The following ASAH1 variants were observed in gnomAD, a reference collection of about 807,000 sequenced individuals.
The protein encoded by ASAH1 is acid ceramidase.
A neutral mutation model predicts 59.5 loss-of-function variants in ASAH1; 70 were observed. That is an observed-to-expected ratio of 1.18 (90% CI 0.97 to 1.43). The LOEUF (loss-of-function observed/expected upper bound fraction) is 1.43, where lower values mean the gene tolerates loss of function less well. Among genes scored for constraint, ASAH1 ranks in the 40% most tolerant of loss-of-function variants. The probability of loss-of-function intolerance (pLI) is 0.00; values close to 1 mark genes in which losing one functional copy is unlikely to be tolerated. For synonymous variants in ASAH1, 213 were observed against 166.5 expected, an observed-to-expected ratio of 1.28 and a Z score of -2.15; for missense variants, 660 against 482.5, an observed-to-expected ratio of 1.37 and a Z score of -3.45.
At position 18,059,606 on chromosome 8, in the gene ASAH1, T is replaced by C. The variant is rs1799609030; in HGVS notation, c.883A>G (p.Thr295Ala). 1 of 1,614,130 alleles carries C rather than the reference T, an allele frequency of 6.2e-7. No homozygotes were observed. Among genetic ancestry groups the C allele is most frequent in the Admixed American group, 1.7e-5 (1 of 60,002 alleles). ...TCCAATGATTCCTTTCTGTCTCGTGTAATCACACAACCTTCCCCAGACTGG... is the reference window on the plus strand; with the variant it reads ...TCCAATGATTCCTTTCTGTCTCGTGCAATCACACAACCTTCCCCAGACTGG... ...GNQSGEGCVITRDRKESLDVY... is the reference protein window; with the variant it reads ...GNQSGEGCVIARDRKESLDVY... The change falls in exon 11 of 14, where the codon ACA becomes GCA. Residue 295 changes from threonine to alanine, a missense_variant. Coordinates refer to ENST00000637790, the MANE Select transcript of ASAH1 (RefSeq NM_177924.5).
chr8:18,064,552 G>GTTAATTTC, intron 5 of ASAH1, 21 bp from the exon 6 acceptor site: 1 of 1,353,440 alleles, frequency 7.4e-7, no homozygotes, highest in East Asian at 2.4e-5. Context: ...AGAAAATTTT[G>GTTAATTTC]TGTTAATATA....
intron 1 of ASAH1, 83 bp from the exon 2 acceptor site, chr8:18,075,670 G>A (rs2117078873): frequency 7.9e-7 from 1 of 1,269,066 alleles, no homozygotes; most frequent in African/African-American, 1.5e-5. Context: ...GTTAATCTGT[G>A]AAGACAACAT....
intron 2 of ASAH1, among the ~76,000 whole-genome samples, chr8:18,072,971 G>C (rs1445685178): frequency 2.0e-5 from 3 of 152,110 alleles, no homozygotes; most frequent in African/African-American, 4.8e-5. Context: ...GTCCTGGGTA[G>C]GTTCATGGAT....
At chr8:18,069,082 T>G (rs973369910) in intron 4 of ASAH1, among the ~76,000 whole-genome samples, 3 of 146,088 alleles carry the variant, frequency 2.1e-5, no homozygotes, top group Admixed American at 7.1e-5. Flanking sequence ...TCAAGGCAGC[T>G]GTGAGCTATG....
At chr8:18,077,163 C>T (rs1267512577) in intron 1 of ASAH1, among the ~76,000 whole-genome samples, 1 of 152,170 alleles carries the variant, frequency 6.6e-6, no homozygotes. Flanking sequence ...TGATAATTCA[C>T]AGAAATGATG....
intron 10 of ASAH1, chr8:18,060,838 C>T (rs764277619): frequency 6.1e-6 from 1 of 163,218 alleles, no homozygotes; most frequent in African/African-American, 2.4e-5. Context: ...GTCTCGACCT[C>T]CTTGGGCTCA....
chr8:18,084,696 T>G (rs200180131), upstream of ASAH1: 1 of 1,613,724 alleles, frequency 6.2e-7, no homozygotes, highest in Non-Finnish European at 8.5e-7. Flanking sequence ...ACAGCAAAGC[T>G]GCCAAATCCC....
In ASAH1 at chr8:18,079,283, A is replaced by C. The variant is rs889334932; in HGVS notation, c.79-3696T>G. Among the ~76,000 whole-genome samples the C allele has an allele frequency of 5.9e-5, 9 of 151,456 alleles. 1 individual carries two copies. Among genetic ancestry groups the C allele is most frequent in the African/African-American group, 9.7e-5 (4 of 41,218 alleles). ...GCAAGACTCCATCTCAGAAAAAAAA[A>C]AAAAACAAAAAACTCTCTGGAAAGT... On this transcript the variant is annotated intron_variant, in intron 1 of 13. Transcript: ENST00000637790.
intron 9 of ASAH1, 37 bp from the exon 10 acceptor site, chr8:18,061,495 G>C: frequency 1.3e-6 from 2 of 1,562,462 alleles, no homozygotes; most frequent in East Asian, 2.2e-5. Flanking sequence ...AACCGGAAGA[G>C]GTGACACTAT....
intron 6 of ASAH1, 29 bp from the exon 7 acceptor site, chr8:18,063,259 T>C: frequency 6.4e-7 from 1 of 1,560,558 alleles, no homozygotes; most frequent in Non-Finnish European, 8.8e-7. Flanking sequence ...AAGAGACGTG[T>C]AATAGCAGTT....
chr8:18,071,333 T>A lies in ASAH1; in HGVS notation c.183A>T (p.Arg61Ser), dbSNP rs559209309. 1.2e-6 allele frequency: 2 copies of A among 1,604,742 alleles called. No homozygotes were observed. The highest frequency in any genetic ancestry group is 2.2e-5 in the East Asian group (1 of 44,804). The part of the protein sequence containing the change: ...TINLDLPPYK[R>S]WHELMLDKAP... ...CCTTGTCAAGCATCAATTCATGCCATCTTTTGTAGGGTGGTAAGTCAAGAT... is the reference window on the plus strand; with the variant it reads ...CCTTGTCAAGCATCAATTCATGCCAACTTTTGTAGGGTGGTAAGTCAAGAT... The change falls in exon 3 of 14, where the codon AGA (arginine) becomes AGT (serine). Residue 61 changes from arginine (R) to serine (S), a missense_variant. Coordinates refer to ENST00000637790, the MANE Select transcript of ASAH1 (RefSeq NM_177924.5).
At chr8:18,061,045 GC>G (rs1406058418) in intron 10 of ASAH1, 1 of 259,454 alleles carries the variant, frequency 3.9e-6, no homozygotes, top group African/African-American at 2.3e-5. Context: ...AAGCCACTGT[GC>G]CTGGTCTGTA....
At chr8:18,071,549 G>A (rs1588993243) in intron 2 of ASAH1, 159 bp from the exon 3 acceptor site, 1 of 592,708 alleles carries the variant, frequency 1.7e-6, no homozygotes, top group East Asian at 3.2e-5. Context: ...TCTCTACCTA[G>A]TGCTTCTAGG....
intron 1 of ASAH1, among the ~76,000 whole-genome samples, chr8:18,081,322 C>A (rs936244595): frequency 3.3e-5 from 5 of 152,162 alleles, no homozygotes; most frequent in Non-Finnish European, 5.9e-5. Flanking sequence ...CATCCTTCAA[C>A]GCACCCTGTT....
intron 13 of ASAH1, 76 bp from the exon 14 acceptor site, chr8:18,057,699 C>A: frequency 2.0e-6 from 2 of 1,005,292 alleles, no homozygotes; most frequent in Non-Finnish European, 2.9e-6. Context: ...CATTTCTATA[C>A]TTGTAGAATT....
At chr8:18,071,211 CA>C (rs139226692) in intron 3 of ASAH1, 88 bp downstream of exon 3, 3,363 of 688,762 alleles carry the variant, frequency 4.9e-3, no homozygotes, top group Non-Finnish European at 5.4e-3. Context: ...TGTCTCAAAA[CA>C]AAAAAAAAAT....
intron 4 of ASAH1, among the ~76,000 whole-genome samples, chr8:18,069,140 CAA>C (rs34419879): frequency 0.4 from 35,766 of 89,108 alleles, 4,753 homozygotes; most frequent in Non-Finnish European, 0.46. Context: ...GATGAGGTCT[CAA>C]AAAAAAAAAA....
Position 18,063,335 on chromosome 8 carries a change from G to T in ASAH1, c.458-105C>A, listed in dbSNP as rs903643837. ...TAATTTATTTTTGAGACAGAGTCTC[G>T]TTCTGTTGGCCAGACTGGAGTGCAG... On this transcript the variant is annotated intron_variant, in intron 6 of 13. Transcript: ENST00000637790. The T allele has an allele frequency of 1.8e-5, 20 of 1,122,150 alleles. No homozygotes were observed. The Admixed American group carries it at 2.9e-4, about 16-fold the overall frequency. The allele number at this position is 1,122,150 out of a possible 1,614,324, so 69.5% of individuals were successfully genotyped here. A position where few individuals can be genotyped will look rare whatever the true frequency, so the allele number is the denominator to read the frequency against.
rs1453575951 is a variant in ASAH1 at position 18,067,233 on chromosome 8, A to G, written c.369T>C (p.Thr123=). ...EEEMKGIAAV[T]DIPLGEIISF... ...AGTGAACTTTACCTAAAGGTATATC[A>G]GTAACAGCGGCAATACCCTTCATTT... The change falls in exon 5 of 14, where the codon ACT becomes ACC. Residue 123 remains threonine (T), a synonymous_variant. Coordinates refer to ENST00000637790, the MANE Select transcript of ASAH1 (RefSeq NM_177924.5). 6 of 1,606,798 alleles carry G rather than the reference A, an allele frequency of 3.7e-6. No homozygotes were observed. Among genetic ancestry groups the G allele is most frequent in the East Asian group, 2.2e-5 (1 of 44,792 alleles).
Sources: gnomAD v4.1 joint callset for allele counts (sites outside exome capture counted in the v4.1 genomes callset) on GRCh38, gnomAD v4.1.1 for gene constraint, MANE v1.5 for transcripts, NCBI Gene and HGNC (gene_info 2026-07-23, HGNC 2026-07-21) for gene names.